LATS1: variants seen among roughly 807,000 people sequenced by gnomAD.
LATS1 encodes large tumor suppressor kinase 1.
LATS1 carries 25 observed loss-of-function variants against 106.6 expected under a neutral mutation model. The ratio of observed to expected loss-of-function variants is 0.23; its 90% CI spans 0.17 to 0.33. The LOEUF (loss-of-function observed/expected upper bound fraction) is 0.33, where lower values mean the gene tolerates loss of function less well. Ranked by LOEUF, LATS1 falls within the 10% of genes least tolerant of loss-of-function variation. The pLI is 1.00. For missense variants in LATS1, 1,040 were observed against 1,382.6 expected, an observed-to-expected ratio of 0.75 and a Z score of 3.93; for synonymous variants, 465 against 455.6, an observed-to-expected ratio of 1.02 and a Z score of -0.26.
At chr6:149,674,860 C>T (rs532255095) in intron 7 of LATS1, among the ~76,000 whole-genome samples, 2 of 151,996 alleles carry the variant, frequency 1.3e-5, no homozygotes, top group Non-Finnish European at 1.5e-5. Context: ...GAGGAGATCA[C>T]GCCACTGCAT....
chr6:149,676,790 G>A, intron 5 of LATS1, 53 bp from the exon 6 acceptor site: 2 of 1,494,632 alleles, frequency 1.3e-6, no homozygotes, highest in Non-Finnish European at 1.8e-6. Flanking sequence ...CAGTAAACCT[G>A]AAGTCTATTT....
chr6:149,660,453 C>G lies in LATS1; in HGVS notation c.*1276G>C, dbSNP rs919980876. ...TATGCCTCCAATCTACAAATAGTAA[C>G]TTTTGATAAAAACAATCCCTTATCA... On this transcript the variant is annotated 3_prime_UTR_variant, in exon 8 of 8. Transcript: ENST00000543571. 4.3e-6 allele frequency: 1 copy of G among 232,948 alleles called. No individual in the cohort carries two copies. The highest frequency in any genetic ancestry group is 8.5e-6 in the Non-Finnish European group (1 of 117,994). 14.4% of individuals were successfully genotyped at this position (232,948 alleles called of 1,614,324 possible). A position where few individuals can be genotyped will look rare whatever the true frequency, so the allele number is the denominator to read the frequency against.
In LATS1 at chr6:149,678,170, A is replaced by C. The variant is rs1400058680; in HGVS notation, c.2594-1433T>G. On this transcript the variant is annotated intron_variant, in intron 5 of 7. Transcript: ENST00000543571. ...CTGGTCTCTACTAAAAATCCAAAAA[A>C]AAAAAAAAAAAAAAAAAAAAAAAAA... Among the ~76,000 whole-genome samples the C allele has an allele frequency of 3.1e-4, 43 of 140,438 alleles. 3 individuals carry two copies. The South Asian group carries it at 7.1e-3, about 23-fold the overall frequency. The allele number at this position is 140,438 out of a possible 152,430, so 92.1% of individuals were successfully genotyped here. A position where few individuals can be genotyped will look rare whatever the true frequency, so the allele number is the denominator to read the frequency against.
chr6:149,714,890 T>C (rs1784302979), intron 1 of LATS1, among the ~76,000 whole-genome samples: 2 of 152,146 alleles, frequency 1.3e-5, no homozygotes, highest in South Asian at 4.1e-4. Flanking sequence ...CTATTATTAA[T>C]AAAAGCTTTA....
Position 149,694,288 on chromosome 6 carries a change from A to C in LATS1, c.496+786T>G, listed in dbSNP as rs542033254. Among the ~76,000 whole-genome samples the C allele has an allele frequency of 5.3e-5, 8 of 152,312 alleles. No individual in the cohort carries two copies. In the South Asian group the frequency reaches 1.7e-3, roughly 32 times the overall value. ...AATAAAGGAAATAAAGCCGATGCCC[A>C]AAAATGGGAGATTAGTTAAATGAAG... is the stretch of plus-strand genomic sequence containing the variant. On this transcript the variant is annotated intron_variant, in intron 3 of 7. Transcript: ENST00000543571.
chr6:149,704,545 G>A (rs1336647964), intron 1 of LATS1, among the ~76,000 whole-genome samples: 1 of 148,670 alleles, frequency 6.7e-6, no homozygotes, highest in African/African-American at 2.5e-5. Context: ...GGAGTACAGT[G>A]GTTTGATCAC....
In LATS1 at chr6:149,661,922, T is replaced by A; in HGVS notation, c.3200A>T (p.Asn1067Ile). ...GAATGCATGTTCAGGATGCTTTCCA[T>A]TTTTATACCATCCATTGAGAGTGTC... is the stretch of plus-strand genomic sequence containing the variant. Reference protein sequence around the residue: ...VNDTLNGWYKNGKHPEHAFYE... With the variant: ...VNDTLNGWYKIGKHPEHAFYE... Residue 1067 changes from asparagine (N) to isoleucine (I), a missense_variant, in exon 8 of 8, where the codon AAT becomes ATT. Asn to Ile is a moderately radical substitution (Grantham distance 149). Transcript: ENST00000543571. The A allele has an allele frequency of 6.2e-7, 1 of 1,613,960 alleles. No homozygotes were observed. Among genetic ancestry groups the A allele is most frequent in the Non-Finnish European group, 8.5e-7 (1 of 1,179,914 alleles).
chr6:149,677,415 G>A (rs1244520448), intron 5 of LATS1, among the ~76,000 whole-genome samples: 1 of 152,230 alleles, frequency 6.6e-6, no homozygotes, highest in Non-Finnish European at 1.5e-5. Flanking sequence ...GGCAAGAACT[G>A]TAAGAAATGC....
At chr6:149,672,290 A>G (rs574831840) in intron 7 of LATS1, among the ~76,000 whole-genome samples, 38 of 151,710 alleles carry the variant, frequency 2.5e-4, no homozygotes, top group Admixed American at 2.2e-3. Flanking sequence ...GCTCACTGCA[A>G]TCTTTACCTC....
Position 149,687,970 on chromosome 6 carries a change from G to T in LATS1, c.497-3378C>A, listed in dbSNP as rs1782500143. ...GCTCACTGCAAGCTCCGCCTCCCGG[G>T]TTCACGCCATTCTCCTGCCTCAGCC... On this transcript the variant is annotated intron_variant, in intron 3 of 7. Coordinates refer to ENST00000543571, the MANE Select transcript of LATS1 (RefSeq NM_004690.4). Among the ~76,000 whole-genome samples the T allele has an allele frequency of 2.0e-5, 3 of 151,698 alleles. No individual in the cohort carries two copies. The South Asian group carries it at 6.3e-4, about 32-fold the overall frequency.
intron 7 of LATS1, among the ~76,000 whole-genome samples, chr6:149,675,215 C>CAA (rs67049932): frequency 1.6e-4 from 18 of 111,620 alleles, no homozygotes; most frequent in African/African-American, 3.5e-4. Flanking sequence ...GACTCTGTAT[C>CAA]AAAAAAAAAA....
In LATS1 at chr6:149,684,509, G is replaced by C; in HGVS notation, c.580C>G (p.Leu194Val). ...GAATGATAGGCCACACTTTCTCCTA[G>C]TGGCGGGCCATGCCTCTGAGGAACT... The part of the protein sequence containing the change: ...SLVPQRHGPP[L>V]GESVAYHSES... Residue 194 changes from leucine to valine, a missense_variant, in exon 4 of 8, where the codon CTA becomes GTA. This residue lies in a region of LATS1 where 624 missense variants were observed against 714.8 expected (regional missense o/e 0.87). Coordinates refer to ENST00000543571, the MANE Select transcript of LATS1 (RefSeq NM_004690.4). 1.2e-6 allele frequency: 2 copies of C among 1,614,154 alleles called. No homozygotes were observed. The highest frequency in any genetic ancestry group is 1.7e-6 in the Non-Finnish European group (2 of 1,180,014).
intron 5 of LATS1, among the ~76,000 whole-genome samples, chr6:149,679,200 G>C (rs1007810712): frequency 1.3e-5 from 2 of 152,082 alleles, no homozygotes; most frequent in African/African-American, 4.8e-5. Context: ...CTAAAGTACT[G>C]ATAATCTAGT....
At chr6:149,666,876 G>A (rs1176608896) in intron 7 of LATS1, among the ~76,000 whole-genome samples, 5 of 151,312 alleles carry the variant, frequency 3.3e-5, no homozygotes, top group South Asian at 2.1e-4. Flanking sequence ...CTCAGGAGGC[G>A]GAGCTTGCAG....
Position 149,683,797 on chromosome 6 carries a change from G to A in LATS1, c.1292C>T (p.Thr431Ile), listed in dbSNP as rs764049040. ...AGCAGAAGATGACTGAGGCCAATTT[G>A]TTTGCAGTCCAGGTACACTAATGTT... ...LYNISVPGLQ[T>I]NWPQSSSAPA... Residue 431 changes from threonine (T) to isoleucine (I), a missense_variant, in exon 4 of 8, where the codon ACA (threonine) becomes ATA (isoleucine). By Grantham distance (89) the Thr-to-Ile change is moderately conservative. This residue lies in a region of LATS1 where 624 missense variants were observed against 714.8 expected (regional missense o/e 0.87). Coordinates refer to ENST00000543571, the MANE Select transcript of LATS1 (RefSeq NM_004690.4). 8.7e-6 allele frequency: 14 copies of A among 1,613,796 alleles called. No homozygotes were observed. The highest frequency in any genetic ancestry group is 9.3e-6 in the Non-Finnish European group (11 of 1,180,030).
intron 3 of LATS1, among the ~76,000 whole-genome samples, chr6:149,694,695 G>A (rs964387663): frequency 1.4e-4 from 22 of 152,010 alleles, no homozygotes; most frequent in Non-Finnish European, 1.5e-4. Context: ...TATTAACAGC[G>A]ATGTTTGTAT....
chr6:149,662,949 G>C (rs1358551332), intron 7 of LATS1, among the ~76,000 whole-genome samples: 1 of 136,564 alleles, frequency 7.3e-6, no homozygotes, highest in Non-Finnish European at 1.5e-5. Flanking sequence ...CTGTGTGACA[G>C]AGCGAGACAC....
intron 1 of LATS1, among the ~76,000 whole-genome samples, chr6:149,704,771 G>C (rs781303611): frequency 1.3e-5 from 2 of 151,978 alleles, no homozygotes; most frequent in Non-Finnish European, 2.9e-5. Context: ...TTATAGGCAT[G>C]AGCCACCCCA....
chr6:149,715,135 C>T (rs148882810), intron 1 of LATS1, among the ~76,000 whole-genome samples: 1 of 152,170 alleles, frequency 6.6e-6, no homozygotes, highest in East Asian at 1.9e-4. Flanking sequence ...GTGGTGCCAT[C>T]TCAGCTCACT....
Sources: gnomAD v4.1 joint callset for allele counts (sites outside exome capture counted in the v4.1 genomes callset) on GRCh38, gnomAD v4.1.1 for gene constraint, gnomAD v4.1.1 regional missense constraint, MANE v1.5 for transcripts, NCBI Gene and HGNC (gene_info 2026-07-23, HGNC 2026-07-21) for gene names.